KIAA1217: variants seen among roughly 807,000 people sequenced by gnomAD.
The protein encoded by KIAA1217 is sickle tail protein homolog.
KIAA1217 carries 88 observed loss-of-function variants against 163.9 expected under a neutral mutation model. The observed-to-expected ratio is 0.54, with a 90% CI of 0.45 to 0.64. The LOEUF (loss-of-function observed/expected upper bound fraction) is 0.64. Among genes scored for constraint, KIAA1217 ranks in the 30% least tolerant of loss-of-function variants. KIAA1217 has a pLI of 0.00. For missense variants in KIAA1217, 2,372 were observed against 2,475.0 expected, an observed-to-expected ratio of 0.96 and a Z score of 0.88; for synonymous variants, 903 against 923.1, an observed-to-expected ratio of 0.98 and a Z score of 0.39.
At chr10:23,717,697 A>G (rs1709819150) in intron 1 of KIAA1217, among the ~76,000 whole-genome samples, 1 of 152,202 alleles carries the variant, frequency 6.6e-6, no homozygotes, top group Non-Finnish European at 1.5e-5. Flanking sequence ...AAGAAAAACA[A>G]TAAACCTAAG....
chr10:23,999,037 T>C (rs893235693), intron 1 of KIAA1217, among the ~76,000 whole-genome samples: 1 of 152,154 alleles, frequency 6.6e-6, no homozygotes, highest in Non-Finnish European at 1.5e-5. Flanking sequence ...TTTCTGAAAA[T>C]AACTATCACT....
At chr10:23,779,492 C>T (rs960670267) in intron 1 of KIAA1217, among the ~76,000 whole-genome samples, 2 of 152,124 alleles carry the variant, frequency 1.3e-5, no homozygotes, top group African/African-American at 4.8e-5. Flanking sequence ...TGAATGTTTT[C>T]GGTCAAGGCC....
Position 24,509,351 on chromosome 10 carries a change from C to T in KIAA1217, c.2002-3908C>T, listed in dbSNP as rs114488599. On this transcript the variant is annotated intron_variant, in intron 9 of 20. Coordinates refer to ENST00000376454, the MANE Select transcript of KIAA1217 (RefSeq NM_019590.5). ...CACTCCTCATTGCCCACGTGCCAGCCGGTGAGCTATGACAGCTTCCCTCTT... is the reference window on the plus strand; with the variant it reads ...CACTCCTCATTGCCCACGTGCCAGCTGGTGAGCTATGACAGCTTCCCTCTT... 4.6e-3 allele frequency among the ~76,000 whole-genome samples: 694 copies of T among 152,226 alleles called. 10 individuals are homozygous for T. Among genetic ancestry groups the T allele is most frequent in the African/African-American group, 0.016 (659 of 41,522 alleles).
intron 2 of KIAA1217, among the ~76,000 whole-genome samples, chr10:24,259,386 G>A (rs911683068): frequency 1.3e-5 from 2 of 152,164 alleles, no homozygotes; most frequent in Admixed American, 1.3e-4. Context: ...GCTGAGACAG[G>A]AGGATTGCTT....
chr10:24,127,986 T>G (rs1343246500), intron 2 of KIAA1217, among the ~76,000 whole-genome samples: 5 of 152,294 alleles, frequency 3.3e-5, no homozygotes, highest in African/African-American at 1.2e-4. Context: ...GCAAATATTC[T>G]TCTCATACTC....
At chr10:24,280,384 T>C (rs1207656939) in intron 2 of KIAA1217, among the ~76,000 whole-genome samples, 2 of 152,174 alleles carry the variant, frequency 1.3e-5, no homozygotes, top group East Asian at 1.9e-4. Flanking sequence ...AGGTGAATAA[T>C]GTAAGTGAAG....
chr10:24,520,114 C>T lies in KIAA1217; in HGVS notation c.2178-9C>T. The T allele has an allele frequency of 6.2e-7, 1 of 1,613,330 alleles. No individual in the cohort carries two copies. The highest frequency in any genetic ancestry group is 8.5e-7 in the Non-Finnish European group (1 of 1,179,522). Reference sequence around the variant, plus strand: ...TCAGCTCTATGTGCTGGTGTCCTTGCTCCCGCAGCGAGTTGGAAGACTTTG... The same window carrying T: ...TCAGCTCTATGTGCTGGTGTCCTTGTTCCCGCAGCGAGTTGGAAGACTTTG... On this transcript the variant is annotated splice_polypyrimidine_tract_variant and intron_variant, in intron 10 of 20. Coordinates refer to ENST00000376454, the MANE Select transcript of KIAA1217 (RefSeq NM_019590.5).
intron 9 of KIAA1217, among the ~76,000 whole-genome samples, chr10:24,504,844 G>A (rs1186439255): frequency 6.6e-6 from 1 of 152,140 alleles, no homozygotes; most frequent in Non-Finnish European, 1.5e-5. Flanking sequence ...AGACACAATG[G>A]GGTGGGTAGA....
intron 1 of KIAA1217, among the ~76,000 whole-genome samples, chr10:24,005,992 G>A (rs539295302): frequency 7.2e-5 from 11 of 152,182 alleles, no homozygotes; most frequent in Non-Finnish European, 1.3e-4. Context: ...AAATGGTTTC[G>A]CCAGGAACCT....
At chr10:23,884,560 T>G (rs1356351342) in intron 1 of KIAA1217, among the ~76,000 whole-genome samples, 1 of 151,994 alleles carries the variant, frequency 6.6e-6, no homozygotes, top group African/African-American at 2.4e-5. Context: ...TCTCTTCAGC[T>G]AATTTAGCCT....
intron 2 of KIAA1217, among the ~76,000 whole-genome samples, chr10:24,016,909 T>C (rs1847502461): frequency 6.6e-6 from 1 of 152,048 alleles, no homozygotes; most frequent in Non-Finnish European, 1.5e-5. Context: ...TAATACAATA[T>C]AGAACTATGA....
intron 1 of KIAA1217, among the ~76,000 whole-genome samples, chr10:23,928,251 G>A (rs929271048): frequency 2.4e-4 from 37 of 152,280 alleles, no homozygotes; most frequent in African/African-American, 8.4e-4. Context: ...GGTCCAGATG[G>A]ACTGGGGGAG....
At chr10:23,720,553 G>A (rs966479918) in intron 1 of KIAA1217, among the ~76,000 whole-genome samples, 2 of 152,130 alleles carry the variant, frequency 1.3e-5, no homozygotes, top group Admixed American at 1.3e-4. Flanking sequence ...TGGCATAAGA[G>A]GCGGGATATG....
At chr10:23,858,541 C>T (rs562178302) in intron 1 of KIAA1217, among the ~76,000 whole-genome samples, 11 of 151,922 alleles carry the variant, frequency 7.2e-5, no homozygotes, top group Admixed American at 2.0e-4. Context: ...TAGCAGATAT[C>T]AGTATCATTG....
chr10:23,782,067 TA>T (rs202072559), intron 1 of KIAA1217, among the ~76,000 whole-genome samples: 4,553 of 151,292 alleles, frequency 0.03, 101 homozygotes, highest in Non-Finnish European at 0.043. Context: ...CTATATGAAT[TA>T]AAAAAAAAAT....
At chr10:24,157,378 A>T (rs1301325896) in intron 2 of KIAA1217, among the ~76,000 whole-genome samples, 1 of 152,196 alleles carries the variant, frequency 6.6e-6, no homozygotes, top group Non-Finnish European at 1.5e-5. Context: ...AGCTCTTTCT[A>T]TATTCTAGAT....
At chr10:24,513,975 A>T (rs2069626936) in intron 10 of KIAA1217, among the ~76,000 whole-genome samples, 1 of 152,222 alleles carries the variant, frequency 6.6e-6, no homozygotes, top group South Asian at 2.1e-4. Context: ...ATTCAACTGT[A>T]GTTAAAATTG....
intron 2 of KIAA1217, among the ~76,000 whole-genome samples, chr10:24,278,566 T>C (rs950967355): frequency 2.6e-5 from 4 of 152,324 alleles, no homozygotes; most frequent in African/African-American, 9.6e-5. Context: ...GTATTGAGTC[T>C]TATTTGTCTA....
At chr10:23,761,933 C>G (rs189274223) in intron 1 of KIAA1217, among the ~76,000 whole-genome samples, 1 of 151,926 alleles carries the variant, frequency 6.6e-6, no homozygotes, top group Non-Finnish European at 1.5e-5. Context: ...TCAGCACTGA[C>G]CCCACAGAAA....
Sources: allele counts gnomAD v4.1 joint callset (sites outside exome capture counted in the v4.1 genomes callset), GRCh38; gene constraint gnomAD v4.1.1; transcripts MANE v1.5; gene names NCBI Gene and HGNC (gene_info 2026-07-23, HGNC 2026-07-21).